EXOC5: variants seen among roughly 807,000 people sequenced by gnomAD.
EXOC5 encodes SEC10-like 1.
A neutral mutation model predicts 90.8 loss-of-function variants in EXOC5; 17 were observed. The observed-to-expected ratio is 0.19, with a 90% CI of 0.13 to 0.28. The LOEUF is 0.28. Among genes scored for constraint, EXOC5 ranks in the 10% least tolerant of loss-of-function variants. EXOC5 has a pLI of 1.00. For synonymous variants in EXOC5, 260 were observed against 270.0 expected, an observed-to-expected ratio of 0.96 and a Z score of 0.36; for missense variants, 569 against 830.6, an observed-to-expected ratio of 0.69 and a Z score of 3.87.
In EXOC5 at chr14:57,231,546, C is replaced by G. The variant is rs1229857269; in HGVS notation, c.1108G>C (p.Asp370His). 1.2e-6 allele frequency: 2 copies of G among 1,611,720 alleles called. No homozygotes were observed. The highest frequency in any genetic ancestry group is 8.5e-7 in the Non-Finnish European group (1 of 1,179,642). ...RSAMILQRYY[D>H]SKNHQKRSIG... is the part of the protein sequence containing the mutation. ...GATCTCTTTTGATGGTTTTTCGAAT[C>G]ATAATAGCGCTGTAGGATCATAGCA... The change falls in exon 11 of 18, where the codon GAT becomes CAT. Residue 370 changes from aspartate to histidine, a missense_variant. Around this residue, in one of 9 missense-constraint regions of EXOC5, gnomAD observed 69 missense variants for 115.5 expected, o/e 0.60. Transcript: ENST00000621441.
At chr14:57,262,542 G>A (rs1436867430) in intron 1 of EXOC5, among the ~76,000 whole-genome samples, 1 of 103,842 alleles carries the variant, frequency 9.6e-6, no homozygotes, top group Non-Finnish European at 1.7e-5. Context: ...ATACATATGT[G>A]TGTGTGTGTG....
rs1882502351 is a variant in EXOC5 at position 57,201,480 on chromosome 14, GTGTATAAACACACGTGTATA to G, written c.*7109_*7128del. 1 of 125,654 alleles carries G rather than the reference GTGTATAAACACACGTGTATA, an allele frequency of 8.0e-6. No individual in the cohort carries two copies. The highest frequency in any genetic ancestry group is 2.2e-4 in the South Asian group (1 of 4,510). 7.8% of individuals were successfully genotyped at this position (125,654 alleles called of 1,614,324 possible). ...CACACGCGTGTATATGTACACACAC[GTGTATAAACACACGTGTATA>G]TACACACACATATGTATATATATAC... On this transcript the variant is annotated 3_prime_UTR_variant, in exon 18 of 18. Transcript: ENST00000621441.
chr14:57,262,014 C>T (rs1372878792), intron 1 of EXOC5, among the ~76,000 whole-genome samples: 2 of 152,114 alleles, frequency 1.3e-5, no homozygotes, highest in Non-Finnish European at 2.9e-5. Context: ...AAAATACAAC[C>T]TTCCACAGCC....
At chr14:57,226,733 G>A (rs944668374) in intron 12 of EXOC5, among the ~76,000 whole-genome samples, 4 of 152,092 alleles carry the variant, frequency 2.6e-5, no homozygotes, top group Admixed American at 6.5e-5. Context: ...AATTCAGTGC[G>A]GAAAGGATAG....
At chr14:57,240,902 G>T (rs983470983) in intron 4 of EXOC5, among the ~76,000 whole-genome samples, 1 of 152,022 alleles carries the variant, frequency 6.6e-6, no homozygotes, top group Non-Finnish European at 1.5e-5. Flanking sequence ...ACTCAGACTG[G>T]AGTGCGGTGG....
Position 57,205,560 on chromosome 14 carries a change from A to G in EXOC5, c.*3049T>C. The stretch of plus-strand genomic sequence containing the variant: ...TGACCACTTTAAGGGGTTTTGTGGC[A>G]TTTCAAAAATCAAAATCTCTTTATC... On this transcript the variant is annotated 3_prime_UTR_variant, in exon 18 of 18. Coordinates refer to ENST00000621441, the MANE Select transcript of EXOC5 (RefSeq NM_006544.4). 3.5e-6 allele frequency: 1 copy of G among 282,640 alleles called. No individual in the cohort carries two copies. Among genetic ancestry groups the G allele is most frequent in the Non-Finnish European group, 6.8e-6 (1 of 147,406 alleles). The allele number at this position is 282,640 out of a possible 1,614,324, so 17.5% of individuals were successfully genotyped here.
intron 12 of EXOC5, 35 bp downstream of exon 12, chr14:57,229,699 C>A: frequency 7.2e-7 from 1 of 1,391,680 alleles, no homozygotes; most frequent in Non-Finnish European, 9.6e-7. Context: ...CAAGGAACAA[C>A]TGTATATGTA....
chr14:57,263,281 G>A (rs1884570378), intron 1 of EXOC5, among the ~76,000 whole-genome samples: 1 of 151,954 alleles, frequency 6.6e-6, no homozygotes, highest in African/African-American at 2.4e-5. Context: ...GACTAGCCTG[G>A]GCAATACAAT....
intron 1 of EXOC5, among the ~76,000 whole-genome samples, chr14:57,256,281 C>A (rs995325224): frequency 5.9e-5 from 9 of 152,092 alleles, no homozygotes; most frequent in Admixed American, 2.0e-4. Flanking sequence ...TCTCTTAACA[C>A]CCCCTCAACC....
intron 7 of EXOC5, among the ~76,000 whole-genome samples, chr14:57,234,430 G>C (rs1448104714): frequency 2.0e-5 from 3 of 148,348 alleles, no homozygotes; most frequent in African/African-American, 7.4e-5. Context: ...CAAGGTCTTG[G>C]GAAAAGGTTT....
chr14:57,250,782 CT>C (rs1204652461), intron 1 of EXOC5, among the ~76,000 whole-genome samples: 1 of 152,146 alleles, frequency 6.6e-6, no homozygotes, highest in Non-Finnish European at 1.5e-5. Context: ...AAAGTCGCCC[CT>C]GTCCAGTTGA....
intron 4 of EXOC5, among the ~76,000 whole-genome samples, chr14:57,240,605 T>C (rs1174694198): frequency 6.6e-6 from 1 of 151,714 alleles, no homozygotes; most frequent in Non-Finnish European, 1.5e-5. Flanking sequence ...TTTATTCAAG[T>C]TGTGGAACTA....
In EXOC5 at chr14:57,229,813, T is replaced by C; in HGVS notation, c.1217A>G (p.His406Arg). 1 of 1,531,312 alleles carries C rather than the reference T, an allele frequency of 6.5e-7. No homozygotes were observed. The highest frequency in any genetic ancestry group is 8.8e-7 in the Non-Finnish European group (1 of 1,133,196). 94.9% of individuals were successfully genotyped at this position (1,531,312 alleles called of 1,614,324 possible). A position where few individuals can be genotyped will look rare whatever the true frequency, so the allele number is the denominator to read the frequency against. ...TTCTTGGGATAGAAAAGTCTCCCCA[T>C]GAGTATCGATACTTGGCCCAAGTGG... The part of the protein sequence containing the change: ...NLPLGPSIDT[H>R]GETFLSQEVV... The change falls in exon 12 of 18, where the codon CAT (histidine) becomes CGT (arginine). Residue 406 changes from histidine (H) to arginine (R), a missense_variant. Physicochemically the swap from His to Arg is conservative, Grantham distance 29 (BLOSUM62 0). Coordinates refer to ENST00000621441, the MANE Select transcript of EXOC5 (RefSeq NM_006544.4).
In EXOC5 at chr14:57,268,633, C is replaced by G. The variant is rs1884772922; in HGVS notation, c.16G>C (p.Glu6Gln). MATTA[E>Q]LFEEPFVADE... ...CCGCCGGGGCCCACCTCGAAGAGCT[C>G]GGCCGTGGTAGCCATCCCGGCCGGC... Residue 6 changes from glutamate (E) to glutamine (Q), a missense_variant, in exon 1 of 18, where the codon GAG becomes CAG. By Grantham distance (29) the Glu-to-Gln change is conservative. Coordinates refer to ENST00000621441, the MANE Select transcript of EXOC5 (RefSeq NM_006544.4). 1 of 1,591,014 alleles carries G rather than the reference C, an allele frequency of 6.3e-7. No individual in the cohort carries two copies. The highest frequency in any genetic ancestry group is 1.7e-5 in the Admixed American group (1 of 58,776).
At chr14:57,231,752 C>CCTAAA in intron 10 of EXOC5, 37 bp from the exon 11 acceptor site, 1 of 1,360,806 alleles carries the variant, frequency 7.3e-7, no homozygotes, top group Non-Finnish European at 1.0e-6. Flanking sequence ...GATTAATATA[C>CCTAAA]ATTTTAGGTA....
Position 57,200,756 on chromosome 14 carries a change from T to C in EXOC5, c.*7853A>G, listed in dbSNP as rs958248489. 1 of 119,600 alleles carries C rather than the reference T, an allele frequency of 8.4e-6. No homozygotes were observed. Among genetic ancestry groups the C allele is most frequent in the Non-Finnish European group, 1.6e-5 (1 of 64,410 alleles). The allele number at this position is 119,600 out of a possible 1,614,324, so 7.4% of individuals were successfully genotyped here. On this transcript the variant is annotated 3_prime_UTR_variant, in exon 18 of 18. Transcript: ENST00000621441. ...CAGCTTTACTAATTTGCTCACTACA[T>C]TAAAAAAAAAAAAAAAAAACTTCCA...
intron 7 of EXOC5, among the ~76,000 whole-genome samples, chr14:57,234,535 GTGTA>G (rs1208508628): frequency 3.3e-4 from 49 of 146,518 alleles, no homozygotes; most frequent in African/African-American, 8.3e-4. Flanking sequence ...GTGTGTGTGT[GTGTA>G]TATATATATA....
At chr14:57,225,750 A>G (rs1883288588) in intron 12 of EXOC5, among the ~76,000 whole-genome samples, 1 of 152,228 alleles carries the variant, frequency 6.6e-6, no homozygotes, top group Admixed American at 6.5e-5. Context: ...CCGCCAACAC[A>G]TGCCCACCTA....
intron 7 of EXOC5, among the ~76,000 whole-genome samples, chr14:57,234,436 G>GGTTTTAC (rs1488876912): frequency 6.8e-6 from 1 of 146,590 alleles, no homozygotes; most frequent in Non-Finnish European, 1.5e-5. Context: ...CTTGGGAAAA[G>GGTTTTAC]GTTTTACATA....
Sources: allele counts gnomAD v4.1 joint callset (sites outside exome capture counted in the v4.1 genomes callset), GRCh38; gene constraint gnomAD v4.1.1; regional missense constraint gnomAD v4.1.1; transcripts MANE v1.5; gene names NCBI Gene and HGNC (gene_info 2026-07-23, HGNC 2026-07-21).